Variants in CCDC33 observed in about 807,000 individuals in gnomAD.
CCDC33 encodes coiled-coil domain-containing protein 33.
CCDC33 carries 94 observed loss-of-function variants against 91.9 expected under a neutral mutation model. The observed-to-expected ratio is 1.02, with a 90% CI of 0.87 to 1.21. CCDC33 has a LOEUF of 1.21. Ranked by LOEUF, CCDC33 falls within the 50% of genes most tolerant of loss-of-function variation. The pLI, the probability that CCDC33 is intolerant of heterozygous loss-of-function variation, is 0.00. For missense variants in CCDC33, 940 were observed against 935.5 expected (o/e 1.00, Z -0.06); for synonymous variants, 396 against 374.5 (o/e 1.06, Z -0.66).
At chr15:74,225,438 C>T (rs542547249) in intron 2 of CCDC33, among the ~76,000 whole-genome samples, 66 of 151,302 alleles carry the variant, frequency 4.4e-4, no homozygotes, top group African/African-American at 1.6e-3. Flanking sequence ...CATCCACCCT[C>T]ATGGATGCTG....
rs377361412 is a variant in CCDC33, at chr15:74,256,112, G to A, written c.186-6328G>A. ...AGTCTAGTAGTGGTGGTGAGGGTGG[G>A]GAGGCGCCAGGAATCATAATGCTGT... is the stretch of plus-strand genomic sequence containing the variant. On this transcript the variant is annotated intron_variant, in intron 2 of 18. Transcript: ENST00000398814. Among the ~76,000 whole-genome samples the A allele has an allele frequency of 6.6e-5, 10 of 152,304 alleles. No homozygotes were observed. In the East Asian group the frequency reaches 1.9e-3, roughly 29 times the overall value.
At chr15:74,204,573 A>G (rs952064934) in intron 1 of CCDC33, among the ~76,000 whole-genome samples, 3 of 152,188 alleles carry the variant, frequency 2.0e-5, no homozygotes, top group Non-Finnish European at 4.4e-5. Context: ...GTCCAGTTCC[A>G]GACAGGGAGC....
At chr15:74,237,833 T>A (rs545012211) in intron 1 of CCDC33, among the ~76,000 whole-genome samples, 1 of 152,340 alleles carries the variant, frequency 6.6e-6, no homozygotes, top group South Asian at 2.1e-4. Context: ...TTTTGATAGC[T>A]GGGTAGAATC....
chr15:74,233,070 A>G (rs942405164), upstream of CCDC33, among the ~76,000 whole-genome samples: 4 of 151,986 alleles, frequency 2.6e-5, no homozygotes, highest in African/African-American at 9.7e-5. Flanking sequence ...CCTAAATCCA[A>G]TGTGTTCTCA....
At chr15:74,224,865 T>C (rs1296902611) in intron 2 of CCDC33, among the ~76,000 whole-genome samples, 4 of 152,180 alleles carry the variant, frequency 2.6e-5, no homozygotes, top group African/African-American at 7.2e-5. Flanking sequence ...ACCTAGAAAA[T>C]AGGATTGCTC....
chr15:74,251,323 G>A (rs2075701946), intron 2 of CCDC33, among the ~76,000 whole-genome samples: 1 of 152,236 alleles, frequency 6.6e-6, no homozygotes, highest in African/African-American at 2.4e-5. Context: ...ACAGTACCCA[G>A]CACCTGTCAC....
intron 10 of CCDC33, among the ~76,000 whole-genome samples, chr15:74,290,717 A>G (rs2059570008): frequency 6.6e-6 from 1 of 152,310 alleles, no homozygotes; most frequent in South Asian, 2.1e-4. Context: ...GGGCAGTGAG[A>G]CTAGAAAGCT....
intron 2 of CCDC33, among the ~76,000 whole-genome samples, chr15:74,254,141 T>C (rs1196349792): frequency 6.6e-6 from 1 of 152,132 alleles, no homozygotes; most frequent in East Asian, 1.9e-4. Flanking sequence ...CAAGAGACTC[T>C]CCTGCCTCAA....
chr15:74,298,777 A>G (rs1277245304), intron 11 of CCDC33, among the ~76,000 whole-genome samples: 1 of 131,364 alleles, frequency 7.6e-6, no homozygotes, highest in Non-Finnish European at 1.5e-5. Flanking sequence ...CAGTGGTACC[A>G]TCTCAGCTCA....
chr15:74,308,126 G>C (rs879739043), intron 11 of CCDC33, among the ~76,000 whole-genome samples: 8 of 152,158 alleles, frequency 5.3e-5, no homozygotes, highest in Non-Finnish European at 1.0e-4. Context: ...CCCATGGGAA[G>C]GGTTGTACCC....
chr15:74,227,001 C>T lies in CCDC33; in HGVS notation c.675+8140C>T, dbSNP rs370905740. ...CAGGAGGTGCCATCTCTGAGTACTT[C>T]GAGCTCTGTACTATCCCCTCTGTAC... On this transcript the variant is annotated intron_variant, in intron 2 of 2. Transcript: ENST00000635913. Among the ~76,000 whole-genome samples the T allele has an allele frequency of 3.6e-4, 55 of 152,188 alleles. No individual in the cohort carries two copies. In the East Asian group the frequency reaches 4.3e-3, roughly 12 times the overall value.
In CCDC33 at chr15:74,277,310, A is replaced by T. The variant is rs138042945; in HGVS notation, c.760-2653A>T. Among the ~76,000 whole-genome samples, 287 of 152,326 alleles carry T rather than the reference A, an allele frequency of 1.9e-3. 2 individuals carry two copies. The highest frequency in any genetic ancestry group is 6.5e-3 in the African/African-American group (272 of 41,578). On this transcript the variant is annotated intron_variant, in intron 7 of 18. Coordinates refer to ENST00000398814, the MANE Select transcript of CCDC33 (RefSeq NM_025055.5). ...AGATCCCTAGAGACCCCAGCCCAGCATCTGCTCCCAGCAGCTACTCCTCCA... is the reference window on the plus strand; with the variant it reads ...AGATCCCTAGAGACCCCAGCCCAGCTTCTGCTCCCAGCAGCTACTCCTCCA...
intron 5 of CCDC33, among the ~76,000 whole-genome samples, chr15:74,268,809 G>A (rs2076240451): frequency 6.6e-6 from 1 of 152,202 alleles, no homozygotes; most frequent in Non-Finnish European, 1.5e-5. Flanking sequence ...GGGCAGGGGA[G>A]AAGCCCCGTG....
intron 1 of CCDC33, among the ~76,000 whole-genome samples, chr15:74,217,868 C>G (rs2074488447): frequency 6.6e-6 from 1 of 152,058 alleles, no homozygotes; most frequent in Non-Finnish European, 1.5e-5. Flanking sequence ...GTGCTGAGCA[C>G]ACAGTGGGTT....
intron 2 of CCDC33, among the ~76,000 whole-genome samples, chr15:74,247,371 TACACACAC>T (rs57645886): frequency 0.36 from 54,024 of 148,490 alleles, 10,794 homozygotes; most frequent in Middle Eastern, 0.53. Context: ...TATATATATA[TACACACAC>T]ACACACACAC....
chr15:74,266,592 G>T, intron 3 of CCDC33, 86 bp from the exon 4 acceptor site: 1 of 942,470 alleles, frequency 1.1e-6, no homozygotes, highest in Non-Finnish European at 1.7e-6. Flanking sequence ...TCTCAACAAT[G>T]TCTCTCACCT....
At chr15:74,211,937 C>G (rs1176536020) in intron 2 of CCDC33, among the ~76,000 whole-genome samples, 2 of 151,946 alleles carry the variant, frequency 1.3e-5, no homozygotes, top group Admixed American at 1.3e-4. Flanking sequence ...CTTTTTGTTT[C>G]TCTCTCCTGC....
At position 74,218,237 on chromosome 15, in the gene CCDC33, C is replaced by T. The variant is rs140335028; in HGVS notation, c.311-260C>T. 1.6e-3 allele frequency among the ~76,000 whole-genome samples: 239 copies of T among 152,312 alleles called. 1 individual carries two copies. Among genetic ancestry groups the T allele is most frequent in the African/African-American group, 5.6e-3 (232 of 41,554 alleles). ...CTAGGAGTCTATGGTGGTGGCAGGA[C>T]CTAGGATCATCCCACAGGCTAAGCC... On this transcript the variant is annotated intron_variant, in intron 1 of 2. Coordinates refer to the CCDC33 transcript ENST00000635913. The surrounding 1 kb of genome is among the most constrained non-coding windows in gnomAD (Gnocchi z 4.8).
In CCDC33 at chr15:74,244,521, T is replaced by C. The variant is rs975884679; in HGVS notation, c.185+373T>C. On this transcript the variant is annotated intron_variant, in intron 2 of 18. Transcript: ENST00000398814. The surrounding 1 kb of genome is among the most constrained non-coding windows in gnomAD (Gnocchi z 4.2). Reference sequence around the variant, plus strand: ...TTTGGGACCTGCCTCTCCTGACTTCTGGGTGCCCCACCCCACCATACCCAG... The same window carrying C: ...TTTGGGACCTGCCTCTCCTGACTTCCGGGTGCCCCACCCCACCATACCCAG... 6.6e-6 allele frequency among the ~76,000 whole-genome samples: 1 copy of C among 152,114 alleles called. No individual in the cohort carries two copies. The highest frequency in any genetic ancestry group is 1.5e-5 in the Non-Finnish European group (1 of 67,994).
Sources: allele counts gnomAD v4.1 joint callset (sites outside exome capture counted in the v4.1 genomes callset), GRCh38; gene constraint gnomAD v4.1.1; non-coding constraint Gnocchi (gnomAD v3.1); transcripts MANE v1.5; gene names NCBI Gene and HGNC (gene_info 2026-07-23, HGNC 2026-07-21).